The following BABAM2 variants were observed in gnomAD, a reference collection of about 807,000 sequenced individuals.
BABAM2 encodes the protein BRISC and BRCA1-A complex member 2.
Under a neutral mutation model 54.7 loss-of-function variants are expected in BABAM2, and 31 were observed. The observed-to-expected ratio is 0.57, with a 90% CI of 0.43 to 0.77. BABAM2 has a LOEUF of 0.77. BABAM2 is among the 30% of genes least tolerant of loss of function. BABAM2 has a pLI of 0.00. For synonymous variants in BABAM2, 167 were observed against 162.9 expected, an observed-to-expected ratio of 1.03 and a Z score of -0.19; for missense variants, 364 against 455.8, an observed-to-expected ratio of 0.80 and a Z score of 1.83.
rs1448386476 is a variant in BABAM2, at chr2:27,900,810, G to A, written c.128+6126G>A. Among the ~76,000 whole-genome samples the A allele has an allele frequency of 2.6e-5, 4 of 152,092 alleles. No homozygotes were observed. The South Asian group carries it at 6.2e-4, about 24-fold the overall frequency. ...TGTAATCCCAGCACTTTGGGAGGCC[G>A]AGGCGGGCATATCACAAGGTCAGGA... is the stretch of plus-strand genomic sequence containing the variant. On this transcript the variant is annotated intron_variant, in intron 2 of 11. Coordinates refer to ENST00000379624, the MANE Select transcript of BABAM2 (RefSeq NM_199191.3).
At chr2:28,326,874 C>G (rs553852781) in intron 11 of BABAM2, among the ~76,000 whole-genome samples, 38 of 152,330 alleles carry the variant, frequency 2.5e-4, no homozygotes, top group African/African-American at 8.7e-4. Context: ...CGCCCTTAGT[C>G]TCCCCTTCCC....
rs1459011919 is a variant in BABAM2, at chr2:28,259,702, A to G, written c.934+14840A>G. ...TAATTTTAAAAATGTTTTCTTTTAG[A>G]AAGTTTCTAGTTTTAGCTCTAAAAT... On this transcript the variant is annotated intron_variant, in intron 10 of 11. Transcript: ENST00000379624. Among the ~76,000 whole-genome samples the G allele has an allele frequency of 3.9e-5, 6 of 152,246 alleles. No homozygotes were observed. The South Asian group carries it at 1.2e-3, about 32-fold the overall frequency.
chr2:28,158,555 T>A (rs1672767979), intron 7 of BABAM2, among the ~76,000 whole-genome samples: 1 of 152,250 alleles, frequency 6.6e-6, no homozygotes. Flanking sequence ...ATGAGCTCCT[T>A]GGAATGTTCA....
chr2:28,314,267 C>T (rs1232069777), intron 11 of BABAM2, among the ~76,000 whole-genome samples: 1 of 152,122 alleles, frequency 6.6e-6, no homozygotes, highest in Non-Finnish European at 1.5e-5. Flanking sequence ...GCTATTACAC[C>T]TATTTTACGG....
chr2:28,259,074 C>CT (rs70956009), intron 10 of BABAM2, among the ~76,000 whole-genome samples: 278 of 23,432 alleles, frequency 0.012, 111 homozygotes, highest in Non-Finnish European at 0.014. Flanking sequence ...TGCACCTGGC[C>CT]TTTTTTTTTT....
intron 4 of BABAM2, among the ~76,000 whole-genome samples, chr2:28,006,529 A>G (rs1433171486): frequency 6.6e-6 from 1 of 152,104 alleles, no homozygotes; most frequent in Non-Finnish European, 1.5e-5. Flanking sequence ...ATTAAAAGCA[A>G]CAAGGATTCT....
intron 7 of BABAM2, among the ~76,000 whole-genome samples, chr2:28,206,999 C>T (rs1230013325): frequency 6.6e-6 from 1 of 152,118 alleles, no homozygotes; most frequent in Non-Finnish European, 1.5e-5. Flanking sequence ...TGCATTATTT[C>T]ATTTAATCAT....
intron 4 of BABAM2, chr2:28,013,288 A>T: frequency 2.2e-6 from 1 of 448,278 alleles, no homozygotes; most frequent in South Asian, 1.6e-5. Context: ...TTCTGATAAG[A>T]TTCCACCAGT....
At chr2:28,015,706 A>G (rs1360508393) in intron 4 of BABAM2, 2 of 962,942 alleles carry the variant, frequency 2.1e-6, no homozygotes, top group East Asian at 6.3e-5. Context: ...TTCCTCAGAC[A>G]TTGTGCTTTC....
chr2:27,939,506 A>G (rs1573217031), intron 3 of BABAM2, among the ~76,000 whole-genome samples: 1 of 152,348 alleles, frequency 6.6e-6, no homozygotes, highest in Middle Eastern at 3.4e-3. Context: ...AGTATGTGTT[A>G]TAAAGAATGT....
At chr2:27,959,538 C>G (rs1022402895) in intron 3 of BABAM2, among the ~76,000 whole-genome samples, 2 of 151,562 alleles carry the variant, frequency 1.3e-5, no homozygotes, top group African/African-American at 4.8e-5. Context: ...TTCAATATTT[C>G]TTAATGTTCT....
At chr2:28,204,935 C>T (rs187044946) in intron 7 of BABAM2, among the ~76,000 whole-genome samples, 69 of 151,358 alleles carry the variant, frequency 4.6e-4, no homozygotes, top group African/African-American at 1.6e-3. Flanking sequence ...GCAGAGTTGA[C>T]AGTGTCACTT....
chr2:28,173,337 G>A (rs973300765), intron 7 of BABAM2, among the ~76,000 whole-genome samples: 1 of 152,068 alleles, frequency 6.6e-6, no homozygotes, highest in Non-Finnish European at 1.5e-5. Context: ...CCCCCATTTG[G>A]TGCATACAAT....
At chr2:28,190,515 T>C (rs1165909833) in intron 7 of BABAM2, among the ~76,000 whole-genome samples, 2 of 152,116 alleles carry the variant, frequency 1.3e-5, no homozygotes, top group Non-Finnish European at 2.9e-5. Flanking sequence ...GGAGAAACCC[T>C]GTCTCTACTA....
chr2:28,174,248 A>G (rs1375074171), intron 7 of BABAM2, among the ~76,000 whole-genome samples: 1 of 152,236 alleles, frequency 6.6e-6, no homozygotes. Flanking sequence ...CTAATTAAAC[A>G]AAGGTGATAT....
chr2:27,889,341 C>T (rs182310071), upstream of BABAM2, among the ~76,000 whole-genome samples: 7 of 152,198 alleles, frequency 4.6e-5, no homozygotes, highest in South Asian at 2.1e-4. Context: ...CATTTCAGGA[C>T]GAATGAGGTG....
chr2:27,994,666 T>C (rs1230667063), intron 4 of BABAM2, among the ~76,000 whole-genome samples: 1 of 152,264 alleles, frequency 6.6e-6, no homozygotes, highest in African/African-American at 2.4e-5. Flanking sequence ...AGTATTCTAT[T>C]GTATGAGCAT....
intron 3 of BABAM2, among the ~76,000 whole-genome samples, chr2:27,987,706 T>C (rs1553406696): frequency 1.3e-5 from 2 of 151,620 alleles, no homozygotes; most frequent in Non-Finnish European, 2.9e-5. Context: ...GCTCAGCTCC[T>C]TGGGGGGCTG....
At chr2:28,033,969 CT>C (rs1374912236) in intron 5 of BABAM2, among the ~76,000 whole-genome samples, 1 of 151,836 alleles carries the variant, frequency 6.6e-6, no homozygotes, top group Non-Finnish European at 1.5e-5. Context: ...AGACAATTAC[CT>C]TTTTTGCTTG....
Sources: gnomAD v4.1 joint callset for allele counts (sites outside exome capture counted in the v4.1 genomes callset) on GRCh38, gnomAD v4.1.1 for gene constraint, MANE v1.5 for transcripts, NCBI Gene and HGNC (gene_info 2026-07-23, HGNC 2026-07-21) for gene names.